TMEM237: variants seen among roughly 807,000 people sequenced by gnomAD.
TMEM237 encodes amyotrophic lateral sclerosis 2 (juvenile) chromosome region, candidate 4.
In TMEM237, 51 loss-of-function variants were observed where a neutral mutation model predicts 59.1. That is an observed-to-expected ratio of 0.86 (90% CI 0.69 to 1.09). TMEM237 has a LOEUF of 1.09. Among genes scored for constraint, TMEM237 ranks in the 50% least tolerant of loss-of-function variants. TMEM237 has a pLI of 0.00. For missense variants in TMEM237, 475 were observed against 478.3 expected, an observed-to-expected ratio of 0.99 and a Z score of 0.06; for synonymous variants, 140 against 166.1, an observed-to-expected ratio of 0.84 and a Z score of 1.21.
intron 12 of TMEM237, among the ~76,000 whole-genome samples, chr2:201,625,788 G>T: frequency 6.6e-6 from 1 of 152,090 alleles, no homozygotes; most frequent in East Asian, 1.9e-4. Flanking sequence ...TCCTGAAAAT[G>T]CACAAGGGCC....
chr2:201,629,646 G>T, intron 8 of TMEM237, 83 bp downstream of exon 8: 1 of 1,525,044 alleles, frequency 6.6e-7, no homozygotes, highest in South Asian at 1.3e-5. Flanking sequence ...TAATAATACT[G>T]AACAACCAAG....
At chr2:201,642,521 C>A in intron 1 of TMEM237, 1 of 1,481,012 alleles carries the variant, frequency 6.8e-7, no homozygotes, top group South Asian at 1.2e-5. Context: ...TCCACCCACC[C>A]AGAGACCCAA....
At chr2:201,641,435 G>C (rs917213861) in intron 1 of TMEM237, among the ~76,000 whole-genome samples, 7 of 151,966 alleles carry the variant, frequency 4.6e-5, no homozygotes, top group African/African-American at 1.4e-4. Flanking sequence ...TTTAAAATTT[G>C]TTCTCCCATC....
chr2:201,634,021 A>G lies in TMEM237; in HGVS notation c.275-590T>C, dbSNP rs114438223. Among the ~76,000 whole-genome samples, 330 of 152,328 alleles carry G rather than the reference A, an allele frequency of 2.2e-3. 1 individual carries two copies. The highest frequency in any genetic ancestry group is 7.3e-3 in the African/African-American group (304 of 41,576). On this transcript the variant is annotated intron_variant, in intron 5 of 12. Coordinates refer to ENST00000409883, the MANE Select transcript of TMEM237 (RefSeq NM_001044385.3). ...AAAATTCTGGATGCCCGGAAGGGAA[A>G]CAGATGTTCAGCAAAAATCACTATG...
intron 8 of TMEM237, 56 bp downstream of exon 8, chr2:201,629,673 T>C (rs1257168917): frequency 1.5e-5 from 23 of 1,563,286 alleles, no homozygotes; most frequent in Non-Finnish European, 2.0e-5. Context: ...TTTTTTTCTT[T>C]AATTACAGAA....
At position 201,636,741 on chromosome 2, in the gene TMEM237, C is replaced by T. The variant is rs1226124967; in HGVS notation, c.274+7G>A. 6.4e-7 allele frequency: 1 copy of T among 1,565,612 alleles called. No individual in the cohort carries two copies. The highest frequency in any genetic ancestry group is 8.7e-7 in the Non-Finnish European group (1 of 1,154,504). On this transcript the variant is annotated splice_region_variant and intron_variant, in intron 5 of 12. Transcript: ENST00000409883. ...TATCACAACTTAACCTTGGTTTCTT[C>T]ACATACCAAGAGGTAGCCTTGTCTT... is the stretch of plus-strand genomic sequence containing the variant.
chr2:201,634,194 T>C (rs2105901226), intron 5 of TMEM237, among the ~76,000 whole-genome samples: 1 of 152,346 alleles, frequency 6.6e-6, no homozygotes, highest in East Asian at 1.9e-4. Context: ...TCAGGTCTGC[T>C]ATATTAACTC....
intron 1 of TMEM237, 25 bp from the exon 2 acceptor site, chr2:201,640,949 T>C (rs1559590903): frequency 1.2e-6 from 2 of 1,601,368 alleles, no homozygotes; most frequent in Admixed American, 1.7e-5. Context: ...ATAAATTTGC[T>C]TGTAAGTAAA....
intron 4 of TMEM237, among the ~76,000 whole-genome samples, chr2:201,638,217 A>C (rs1687340877): frequency 6.6e-6 from 1 of 152,234 alleles, no homozygotes; most frequent in African/African-American, 2.4e-5. Flanking sequence ...TTAAGAAACA[A>C]AGATAGTATG....
At position 201,643,253 on chromosome 2, in the gene TMEM237, A is replaced by G. The variant is rs1687468239; in HGVS notation, c.42+106T>C. On this transcript the variant is annotated intron_variant, in intron 1 of 12. Transcript: ENST00000409883. This position sits in a 1 kb window ranked among gnomAD's most constrained non-coding sequence, Gnocchi z 4.3. ...CACCCCACGAGCAAGGCCCTCCCTT[A>G]GTGATTCCCAGCTCGTTGGCGCCCC... The G allele has an allele frequency of 2.4e-6, 3 of 1,265,238 alleles. No homozygotes were observed. The highest frequency in any genetic ancestry group is 3.0e-5 in the African/African-American group (2 of 65,660). The allele number at this position is 1,265,238 out of a possible 1,614,324, so 78.4% of individuals were successfully genotyped here. A position where few individuals can be genotyped will look rare whatever the true frequency, so the allele number is the denominator to read the frequency against.
chr2:201,630,975 C>T (rs1174443129), intron 7 of TMEM237: 1 of 152,064 alleles, frequency 6.6e-6, no homozygotes, highest in Non-Finnish European at 1.5e-5. Flanking sequence ...CAGATGAGTT[C>T]TTTAGGCAGC....
rs1687274908 is a variant in TMEM237, at chr2:201,635,248, TGA to T, written c.274+1498_274+1499del. ...TTCAAGTCCTAACTCATAATACCTG[TGA>T]GTGTAACCTTATTTGGAAACAAGAG... On this transcript the variant is annotated intron_variant, in intron 5 of 12. Transcript: ENST00000409883. This position sits in a 1 kb window ranked among gnomAD's most constrained non-coding sequence, Gnocchi z 4.5. 1.3e-5 allele frequency among the ~76,000 whole-genome samples: 2 copies of T among 152,164 alleles called. No homozygotes were observed. The highest frequency in any genetic ancestry group is 6.5e-5 in the Admixed American group (1 of 15,276).
chr2:201,629,151 A>C, intron 9 of TMEM237, 79 bp downstream of exon 9: 1 of 1,133,778 alleles, frequency 8.8e-7, no homozygotes, highest in African/African-American at 1.6e-5. Flanking sequence ...CTATTTTGAA[A>C]ACTATCATGG....
intron 1 of TMEM237, among the ~76,000 whole-genome samples, chr2:201,641,615 GATA>G (rs955391561): frequency 2.0e-5 from 3 of 150,128 alleles, no homozygotes; most frequent in Non-Finnish European, 3.0e-5. Flanking sequence ...ATATATATAT[GATA>G]ATATATACTA....
In TMEM237 at chr2:201,626,957, G is replaced by A. The variant is rs569839087; in HGVS notation, c.1037+364C>T. ...TAGCCAGGCATGATGGCGGGTGCCT[G>A]TAATCCCAGCTACTCAGGAGGCTAA... On this transcript the variant is annotated intron_variant, in intron 11 of 12. Coordinates refer to ENST00000409883, the MANE Select transcript of TMEM237 (RefSeq NM_001044385.3). Among the ~76,000 whole-genome samples, 50 of 152,200 alleles carry A rather than the reference G, an allele frequency of 3.3e-4. No individual in the cohort carries two copies. In the South Asian group the frequency reaches 4.6e-3, roughly 14 times the overall value.
At position 201,633,353 on chromosome 2, in the gene TMEM237, G is replaced by A. The variant is rs17856844; in HGVS notation, c.353C>T (p.Pro118Leu). ...TTTTTGAATAACTGCCTCCTCAGCT[G>A]GCTCCGCATCAATACCATTTTCATT... The part of the protein sequence containing the change: ...LRNENGIDAE[P>L]AEEAVIQKPR... The change falls in exon 6 of 13, where the codon CCA (proline) becomes CTA (leucine). Residue 118 changes from proline (P) to leucine (L), a missense_variant. Coordinates refer to ENST00000409883, the MANE Select transcript of TMEM237 (RefSeq NM_001044385.3). 44 of 1,596,756 alleles carry A rather than the reference G, an allele frequency of 2.8e-5. No individual in the cohort carries two copies. In the Admixed American group the frequency reaches 7.3e-4, roughly 26 times the overall value.
Position 201,626,096 on chromosome 2 carries a change from G to A in TMEM237, c.1089C>T (p.Leu363=), listed in dbSNP as rs760192361. Residue 363 remains leucine, a synonymous_variant, in exon 12 of 13, where the codon CTC becomes CTT. Coordinates refer to ENST00000409883, the MANE Select transcript of TMEM237 (RefSeq NM_001044385.3). ...ATAATCCAACCAGAAGAGCCACCAC[G>A]AGATTCACCACAATCCATGGCTGGA... ...QILQPWIVVN[L]VVALLVGLSW... 7 of 1,609,530 alleles carry A rather than the reference G, an allele frequency of 4.3e-6. No homozygotes were observed. The highest frequency in any genetic ancestry group is 3.3e-5 in the South Asian group (3 of 89,944).
At chr2:201,629,541 CTCTT>C (rs1957790208) in intron 8 of TMEM237, 120 bp from the exon 9 acceptor site, 2 of 1,306,536 alleles carry the variant, frequency 1.5e-6, no homozygotes, top group South Asian at 1.7e-5. Flanking sequence ...TAAAAGCAAG[CTCTT>C]TCTTTTTAGT....
intron 5 of TMEM237, chr2:201,634,832 C>A (rs942907128): frequency 2.3e-6 from 1 of 430,582 alleles, no homozygotes; most frequent in South Asian, 1.8e-5. Context: ...ATTCTCCTGA[C>A]TTTTCTAGTT....
Sources: gnomAD v4.1 joint callset for allele counts (sites outside exome capture counted in the v4.1 genomes callset) on GRCh38, gnomAD v4.1.1 for gene constraint, Gnocchi (gnomAD v3.1) non-coding constraint, MANE v1.5 for transcripts, NCBI Gene and HGNC (gene_info 2026-07-23, HGNC 2026-07-21) for gene names.